LRRFIP1: variants seen among roughly 807,000 people sequenced by gnomAD.
LRRFIP1 encodes the protein LRR binding FLII interacting protein 1.
A neutral mutation model predicts 104.4 loss-of-function variants in LRRFIP1; 62 were observed. That is an observed-to-expected ratio of 0.59 (90% CI 0.48 to 0.73). The LOEUF is 0.73. LRRFIP1 is among the 30% of genes least tolerant of loss of function. LRRFIP1 has a pLI of 0.00. For synonymous variants in LRRFIP1, 300 were observed against 299.0 expected, an observed-to-expected ratio of 1.00 and a Z score of -0.03; for missense variants, 796 against 824.5, an observed-to-expected ratio of 0.97 and a Z score of 0.42.
intron 1 of LRRFIP1, among the ~76,000 whole-genome samples, chr2:237,672,818 A>G (rs969743162): frequency 1.6e-4 from 24 of 152,340 alleles, no homozygotes; most frequent in African/African-American, 5.1e-4. Flanking sequence ...CCTTTTAACT[A>G]TGTCCCTGAT....
Position 237,653,333 on chromosome 2 carries a change from A to G in LRRFIP1, c.96+25593A>G, listed in dbSNP as rs76217056. ...GTGAAGGATCTGTACATTAAGAACT[A>G]CAAAACATGATGAAAAAAATTGAAA... On this transcript the variant is annotated intron_variant, in intron 1 of 23. Transcript: ENST00000308482. Among the ~76,000 whole-genome samples the G allele has an allele frequency of 5.3e-3, 810 of 152,336 alleles. 10 individuals are homozygous for G. Among genetic ancestry groups the G allele is most frequent in the African/African-American group, 0.019 (770 of 41,570 alleles).
At chr2:237,668,791 G>C (rs923404356) in intron 1 of LRRFIP1, among the ~76,000 whole-genome samples, 1 of 152,128 alleles carries the variant, frequency 6.6e-6, no homozygotes, top group African/African-American at 2.4e-5. Flanking sequence ...GTTGCTGAAA[G>C]AAAATATTTA....
chr2:237,639,065 C>T (rs964675705), intron 1 of LRRFIP1, among the ~76,000 whole-genome samples: 5 of 152,154 alleles, frequency 3.3e-5, no homozygotes, highest in African/African-American at 1.2e-4. Flanking sequence ...AGCTAGAGCC[C>T]ACAGGCTGCA....
chr2:237,668,158 C>T lies in LRRFIP1; in HGVS notation c.97-40386C>T, dbSNP rs534643562. ...TCCCCCGAGCTTGTTCCCCTCCCCT[C>T]CTCGGTGAAATCGTGAAGCTGGCTG... On this transcript the variant is annotated intron_variant, in intron 1 of 23. Transcript: ENST00000308482. Among the ~76,000 whole-genome samples, 3 of 152,282 alleles carry T rather than the reference C, an allele frequency of 2.0e-5. No individual in the cohort carries two copies. The East Asian group carries it at 5.8e-4, about 30-fold the overall frequency.
chr2:237,687,475 A>G (rs2149706837), intron 1 of LRRFIP1, among the ~76,000 whole-genome samples: 2 of 152,056 alleles, frequency 1.3e-5, no homozygotes, highest in East Asian at 3.9e-4. Context: ...GTGGTGGCGC[A>G]CACCTGTAAT....
intron 1 of LRRFIP1, among the ~76,000 whole-genome samples, chr2:237,679,480 G>A (rs73093480): frequency 0.025 from 3,855 of 152,282 alleles, 177 homozygotes; most frequent in African/African-American, 0.089. Flanking sequence ...CTGAAAGGGT[G>A]TAGATAAAAT....
chr2:237,739,307 G>A lies in LRRFIP1; in HGVS notation c.631G>A (p.Val211Met), dbSNP rs750874345. ...GGCCAGCTCGGCCCGGGCCAGCCCT[G>A]TGGTAAGTCGGCCTCCTGGCCTTGC... Reference protein sequence around the residue: ...SRASSARASPVVEERPEKDFT... With the variant: ...SRASSARASPMVEERPEKDFT... The change falls in exon 11 of 24, where the codon GTG becomes ATG. Residue 211 changes from valine (V) to methionine (M), a missense_variant and splice_region_variant. Coordinates refer to ENST00000308482, the MANE Select transcript of LRRFIP1 (RefSeq NM_001137550.2). The A allele has an allele frequency of 1.3e-6, 2 of 1,555,538 alleles. No individual in the cohort carries two copies. The highest frequency in any genetic ancestry group is 1.7e-6 in the Non-Finnish European group (2 of 1,151,086).
Position 237,649,647 on chromosome 2 carries a change from T to C in LRRFIP1, c.96+21907T>C, listed in dbSNP as rs542748397. 2.0e-5 allele frequency among the ~76,000 whole-genome samples: 3 copies of C among 152,134 alleles called. No homozygotes were observed. Among genetic ancestry groups the C allele is most frequent in the East Asian group, 3.9e-4 (2 of 5,184 alleles). ...GAAGAAGGTGACTTTTCCCGGTTGCTGTCCATGCAGACTGTGAGGGATGTT... is the reference window on the plus strand; with the variant it reads ...GAAGAAGGTGACTTTTCCCGGTTGCCGTCCATGCAGACTGTGAGGGATGTT... On this transcript the variant is annotated intron_variant, in intron 1 of 23. Transcript: ENST00000308482. This position sits in a 1 kb window ranked among gnomAD's most constrained non-coding sequence, Gnocchi z 4.1.
chr2:237,719,529 A>G lies in LRRFIP1; in HGVS notation c.256A>G (p.Ser86Gly). 1 of 1,613,290 alleles carries G rather than the reference A, an allele frequency of 6.2e-7. No homozygotes were observed. ...GCTGTTTCTTCATTGTTAGGAAGAC[A>G]GTGAGCGCTACTCTCGTAGATCCAG... ...WGDIEQWMED[S>G]ERYSRRSRRN... Residue 86 changes from serine (S) to glycine (G), a missense_variant, in exon 5 of 24, where the codon AGT (serine) becomes GGT (glycine). Transcript: ENST00000308482.
intron 1 of LRRFIP1, among the ~76,000 whole-genome samples, chr2:237,675,859 T>C (rs2091087564): frequency 6.6e-6 from 1 of 152,262 alleles, no homozygotes; most frequent in Non-Finnish European, 1.5e-5. Context: ...CATTTCCAAT[T>C]CTACTTCATA....
chr2:237,757,386 T>C, intron 16 of LRRFIP1, 70 bp from the exon 17 acceptor site: 2 of 982,174 alleles, frequency 2.0e-6, no homozygotes, highest in South Asian at 2.9e-5. Context: ...AGCTCTCAGG[T>C]TCTCTCTCGG....
At chr2:237,696,869 T>C (rs1261301587) in intron 1 of LRRFIP1, among the ~76,000 whole-genome samples, 1 of 152,208 alleles carries the variant, frequency 6.6e-6, no homozygotes, top group African/African-American at 2.4e-5. Context: ...TACCCCAGTA[T>C]TGGGGCTGAA....
intron 1 of LRRFIP1, among the ~76,000 whole-genome samples, chr2:237,677,765 G>A (rs1019815314): frequency 2.6e-5 from 4 of 152,090 alleles, no homozygotes; most frequent in Admixed American, 2.6e-4. Context: ...TGTGGTACCG[G>A]GAGGCCACCC....
At chr2:237,758,680 C>T (rs759876122) in intron 17 of LRRFIP1, 49 bp from the exon 18 acceptor site, 4 of 1,328,882 alleles carry the variant, frequency 3.0e-6, no homozygotes, top group Non-Finnish European at 4.3e-6. Flanking sequence ...AAGTAACTTG[C>T]TCATCTGTGC....
At chr2:237,708,137 T>C (rs1415194514) in intron 1 of LRRFIP1, among the ~76,000 whole-genome samples, 1 of 152,220 alleles carries the variant, frequency 6.6e-6, no homozygotes, top group Non-Finnish European at 1.5e-5. Context: ...GCTCCATGCA[T>C]CTGTCAGAGC....
chr2:237,763,585 C>G, intron 19 of LRRFIP1: 1 of 1,613,126 alleles, frequency 6.2e-7, no homozygotes, highest in Admixed American at 1.7e-5. Context: ...AAGCCCAAAA[C>G]GAGGTGACTG....
chr2:237,727,229 G>T (rs905697473), intron 7 of LRRFIP1, among the ~76,000 whole-genome samples: 7 of 152,056 alleles, frequency 4.6e-5, no homozygotes, highest in African/African-American at 1.7e-4. Flanking sequence ...GGTGACGCAC[G>T]CCTGTAATCC....
chr2:237,769,899 G>A lies in LRRFIP1; in HGVS notation c.1460-44G>A, dbSNP rs181915137. On this transcript the variant is annotated intron_variant, in intron 19 of 23. Transcript: ENST00000308482. ...AGTTTAGCAATGTGCTGAAAGGCGC[G>A]GCACGCGGATTCACCTAAACCTGTG... 77 of 1,458,518 alleles carry A rather than the reference G, an allele frequency of 5.3e-5. 1 individual carries two copies. In the African/African-American group the frequency reaches 7.3e-4, roughly 14 times the overall value. 90.3% of individuals were successfully genotyped at this position (1,458,518 alleles called of 1,614,324 possible). A position where few individuals can be genotyped will look rare whatever the true frequency, so the allele number is the denominator to read the frequency against.
intron 11 of LRRFIP1, among the ~76,000 whole-genome samples, chr2:237,743,542 G>T (rs1455298358): frequency 1.3e-5 from 2 of 152,144 alleles, no homozygotes; most frequent in Non-Finnish European, 2.9e-5. Context: ...TGCTGTGGAT[G>T]AGCTGTGTTT....
Sources: allele counts gnomAD v4.1 joint callset (sites outside exome capture counted in the v4.1 genomes callset), GRCh38; gene constraint gnomAD v4.1.1; non-coding constraint Gnocchi (gnomAD v3.1); transcripts MANE v1.5; gene names NCBI Gene and HGNC (gene_info 2026-07-23, HGNC 2026-07-21).